Variants in MYEF2 observed in about 807,000 individuals in gnomAD.
MYEF2 encodes myelin expression factor 2, also known as myelin gene expression factor 2.
Under a neutral mutation model 75.2 loss-of-function variants are expected in MYEF2, and 37 were observed. The ratio of observed to expected loss-of-function variants is 0.49; its 90% CI spans 0.38 to 0.65. The LOEUF is 0.65. Ranked by LOEUF, MYEF2 falls within the 30% of genes least tolerant of loss-of-function variation. The probability of loss-of-function intolerance (pLI) is 0.00; values close to 1 mark genes in which losing one functional copy is unlikely to be tolerated. For missense variants in MYEF2, 634 were observed against 771.4 expected (o/e 0.82, Z 2.11); for synonymous variants, 195 against 241.6 (o/e 0.81, Z 1.79).
chr15:48,137,953 T>C lies in MYEF2; in HGVS notation c.*4955A>G, dbSNP rs919146039. On this transcript the variant is annotated 3_prime_UTR_variant, in exon 17 of 17. Coordinates refer to ENST00000324324, the MANE Select transcript of MYEF2 (RefSeq NM_016132.5). ...TGGTTGTCCAAAACAGATTCTAAAT[T>C]TAATTAAGCCTTTAGGAGGGTTTTA... is the stretch of plus-strand genomic sequence containing the variant. 6.6e-6 allele frequency: 1 copy of C among 152,112 alleles called. No homozygotes were observed. The allele number at this position is 152,112 out of a possible 1,614,324, so 9.4% of individuals were successfully genotyped here.
At chr15:48,145,203 T>G (rs1235021123) in intron 16 of MYEF2, among the ~76,000 whole-genome samples, 1 of 151,846 alleles carries the variant, frequency 6.6e-6, no homozygotes, top group Non-Finnish European at 1.5e-5. Context: ...ATATTTGTTT[T>G]ATGGTTAGAC....
In MYEF2 at chr15:48,140,426, C is replaced by T. The variant is rs1380402260; in HGVS notation, c.*2482G>A. On this transcript the variant is annotated 3_prime_UTR_variant, in exon 17 of 17. Transcript: ENST00000324324. ...CGCTAAACCAAGTTTTCAATTACAA[C>T]ATTAAAGGAACAGTTACATAACCTT... is the stretch of plus-strand genomic sequence containing the variant. The T allele has an allele frequency of 1.3e-5, 2 of 151,804 alleles. No individual in the cohort carries two copies. The highest frequency in any genetic ancestry group is 2.9e-5 in the Non-Finnish European group (2 of 67,896). 9.4% of individuals were successfully genotyped at this position (151,804 alleles called of 1,614,324 possible). A position where few individuals can be genotyped will look rare whatever the true frequency, so the allele number is the denominator to read the frequency against.
intron 1 of MYEF2, among the ~76,000 whole-genome samples, chr15:48,171,137 G>C (rs1210631069): frequency 6.6e-6 from 1 of 152,176 alleles, no homozygotes; most frequent in African/African-American, 2.4e-5. Context: ...CCTTTTCTCT[G>C]GTTTCTGAGT....
At chr15:48,161,034 A>T (rs183159710) in intron 5 of MYEF2, among the ~76,000 whole-genome samples, 1 of 152,246 alleles carries the variant, frequency 6.6e-6, no homozygotes, top group Non-Finnish European at 1.5e-5. Context: ...TATTTCTTCA[A>T]CTAGTATAGT....
At chr15:48,177,855 C>A (rs2140958207) in intron 1 of MYEF2, among the ~76,000 whole-genome samples, 1 of 152,248 alleles carries the variant, frequency 6.6e-6, no homozygotes, top group South Asian at 2.1e-4. Flanking sequence ...GGTCCCCGGG[C>A]CCCCAGCCCC....
chr15:48,170,244 G>T (rs2040276733), intron 1 of MYEF2, among the ~76,000 whole-genome samples: 1 of 151,970 alleles, frequency 6.6e-6, no homozygotes, highest in Non-Finnish European at 1.5e-5. Context: ...TCCTTCCTCA[G>T]CCTCCCAAGT....
chr15:48,136,386 T>C lies in MYEF2; in HGVS notation c.*6522A>G, dbSNP rs547409237. 7.2e-5 allele frequency: 18 copies of C among 249,704 alleles called. No individual in the cohort carries two copies. The highest frequency in any genetic ancestry group is 3.8e-4 in the African/African-American group (17 of 45,306). 15.5% of individuals were successfully genotyped at this position (249,704 alleles called of 1,614,324 possible). A position where few individuals can be genotyped will look rare whatever the true frequency, so the allele number is the denominator to read the frequency against. ...CATTTATTTTGAAAATCTCCAATTA[T>C]CATTTTCCTTGCATTTTTATACCTA... On this transcript the variant is annotated 3_prime_UTR_variant, in exon 17 of 17. Transcript: ENST00000324324.
At chr15:48,172,198 G>C (rs376969956) in intron 1 of MYEF2, among the ~76,000 whole-genome samples, 3 of 152,054 alleles carry the variant, frequency 2.0e-5, no homozygotes, top group East Asian at 3.9e-4. Context: ...TCAGGAGTTC[G>C]AGATGAACCT....
intron 10 of MYEF2, 127 bp downstream of exon 10, chr15:48,153,665 A>T (rs2039579480): frequency 4.2e-6 from 3 of 718,856 alleles, no homozygotes; most frequent in Non-Finnish European, 6.8e-6. Flanking sequence ...TTCAGAATGA[A>T]GTGACACCGT....
At chr15:48,157,713 TAC>T in intron 9 of MYEF2, 1 of 1,104,688 alleles carries the variant, frequency 9.1e-7, no homozygotes, top group Non-Finnish European at 1.1e-6. Context: ...ATGGTGAAAT[TAC>T]AGAGGACTTT....
intron 3 of MYEF2, 149 bp from the exon 4 acceptor site, chr15:48,166,277 C>T (rs557898510): frequency 9.8e-4 from 567 of 580,936 alleles, no homozygotes; most frequent in Non-Finnish European, 9.0e-4. Flanking sequence ...CAGAACATAA[C>T]AGGCAAGTAA....
At position 48,165,136 on chromosome 15, in the gene MYEF2, C is replaced by T. The variant is rs114942697; in HGVS notation, c.525+797G>A. ...TTAAATGCCATGGGTGACAGTACTG[C>T]TCTACAACCAATGATTAGCATCAGT... On this transcript the variant is annotated intron_variant, in intron 5 of 16. Coordinates refer to ENST00000324324, the MANE Select transcript of MYEF2 (RefSeq NM_016132.5). Among the ~76,000 whole-genome samples, 1,257 of 152,206 alleles carry T rather than the reference C, an allele frequency of 8.3e-3. 10 individuals carry two copies. Among genetic ancestry groups the T allele is most frequent in the African/African-American group, 0.029 (1,200 of 41,542 alleles).
Position 48,158,055 on chromosome 15 carries a change from T to C in MYEF2, c.923A>G (p.Asp308Gly). ...LFDRPMHVKMDDKSVPHEEYR... is the reference protein window; with the variant it reads ...LFDRPMHVKMGDKSVPHEEYR... The stretch of plus-strand genomic sequence containing the variant: ...CTCTTCATGAGGAACAGACTTGTCA[T>C]CCTAATTGCAAGAAAGTTTATAATA... Residue 308 changes from aspartate to glycine, a missense_variant and splice_region_variant, in exon 9 of 17, where the codon GAT becomes GGT. Asp to Gly is a moderately conservative substitution (Grantham distance 94, BLOSUM62 -1). Coordinates refer to ENST00000324324, the MANE Select transcript of MYEF2 (RefSeq NM_016132.5). The C allele has an allele frequency of 6.2e-7, 1 of 1,613,094 alleles. No individual in the cohort carries two copies. The highest frequency in any genetic ancestry group is 2.2e-5 in the East Asian group (1 of 44,762).
intron 13 of MYEF2, 42 bp from the exon 14 acceptor site, chr15:48,151,213 T>G (rs776479911): frequency 2.6e-5 from 38 of 1,475,710 alleles, no homozygotes; most frequent in Non-Finnish European, 2.3e-5. Flanking sequence ...TAATTTTAAA[T>G]AATCATACTT....
chr15:48,144,267 TAAGG>T (rs1489789590), intron 16 of MYEF2, among the ~76,000 whole-genome samples: 1 of 151,994 alleles, frequency 6.6e-6, no homozygotes, highest in Non-Finnish European at 1.5e-5. Flanking sequence ...TATCAATCCA[TAAGG>T]AAGATTTTTT....
chr15:48,154,003 G>T, intron 9 of MYEF2, 110 bp from the exon 10 acceptor site: 3 of 790,378 alleles, frequency 3.8e-6, no homozygotes, highest in Non-Finnish European at 3.9e-6. Flanking sequence ...TAAAATTTCT[G>T]CAAATTTTCA....
rs2039861325 is a variant in MYEF2, at chr15:48,159,682, T to C, written c.648A>G (p.Pro216=). The C allele has an allele frequency of 1.2e-6, 2 of 1,613,630 alleles. No homozygotes were observed. Among genetic ancestry groups the C allele is most frequent in the South Asian group, 1.1e-5 (1 of 91,058 alleles). The change falls in exon 6 of 17, where the codon CCA becomes CCG. Residue 216 remains proline (P), a synonymous_variant. Coordinates refer to ENST00000324324, the MANE Select transcript of MYEF2 (RefSeq NM_016132.5). The stretch of plus-strand genomic sequence containing the variant: ...TACTGATGACTTCAGGAGGAATGTT[T>C]GGATTATTGAGTATGGAAGGTGGTA... The part of the protein sequence containing the change: ...MNLPPSILNN[P]NIPPEVISNL...
At position 48,136,947 on chromosome 15, in the gene MYEF2, TAGTC is replaced by T; in HGVS notation, c.*5957_*5960del. ...AGCTCTCTATAAGTTTACATGGCCT[TAGTC>T]AGGTTTCTGAAGGTAATCACTAAAT... is the stretch of plus-strand genomic sequence containing the variant. On this transcript the variant is annotated 3_prime_UTR_variant, in exon 17 of 17. Coordinates refer to ENST00000324324, the MANE Select transcript of MYEF2 (RefSeq NM_016132.5). 6.2e-7 allele frequency: 1 copy of T among 1,609,014 alleles called. No homozygotes were observed. The highest frequency in any genetic ancestry group is 8.5e-7 in the Non-Finnish European group (1 of 1,176,114).
Position 48,134,955 on chromosome 15 carries a change from T to G in MYEF2, c.*7953A>C, listed in dbSNP as rs372314093. 6.2e-7 allele frequency: 1 copy of G among 1,611,780 alleles called. No homozygotes were observed. Among genetic ancestry groups the G allele is most frequent in the Non-Finnish European group, 8.5e-7 (1 of 1,178,474 alleles). On this transcript the variant is annotated 3_prime_UTR_variant, in exon 17 of 17. Transcript: ENST00000324324. ...ACACAATTAGTGCAGCAGCAGTTCT[T>G]GGTATAATATATGACAACCAAGTTT... is the stretch of plus-strand genomic sequence containing the variant.
Sources: gnomAD v4.1 joint callset for allele counts (sites outside exome capture counted in the v4.1 genomes callset) on GRCh38, gnomAD v4.1.1 for gene constraint, MANE v1.5 for transcripts, NCBI Gene and HGNC (gene_info 2026-07-23, HGNC 2026-07-21) for gene names.